Variants in ATF7IP2 observed in about 807,000 individuals in gnomAD.
ATF7IP2 encodes activating transcription factor 7 interacting protein 2.
ATF7IP2 carries 42 observed loss-of-function variants against 64.2 expected under a neutral mutation model. The ratio of observed to expected loss-of-function variants is 0.65; its 90% confidence interval spans 0.51 to 0.85. The LOEUF (loss-of-function observed/expected upper bound fraction) is 0.85. ATF7IP2 is among the 40% of genes least tolerant of loss of function. ATF7IP2 has a pLI of 0.00. For synonymous variants in ATF7IP2, 308 were observed against 272.8 expected, an observed-to-expected ratio of 1.13 and a Z score of -1.27; for missense variants, 933 against 784.2, an observed-to-expected ratio of 1.19 and a Z score of -2.27.
chr16:10,472,979 C>T (rs997285206), intron 10 of ATF7IP2, among the ~76,000 whole-genome samples: 2 of 151,584 alleles, frequency 1.3e-5, no homozygotes, highest in Non-Finnish European at 2.9e-5. Flanking sequence ...ATTTCATTTT[C>T]TACTATGTTA....
chr16:10,458,180 G>A (rs2049247860), intron 9 of ATF7IP2, among the ~76,000 whole-genome samples: 1 of 152,184 alleles, frequency 6.6e-6, no homozygotes, highest in Admixed American at 6.5e-5. Flanking sequence ...TTTGTTTTGG[G>A]GGATTTCACA....
In ATF7IP2 at chr16:10,483,297, C is replaced by T. The variant is rs1159374950; in HGVS notation, c.*1048C>T. The T allele has an allele frequency of 2.0e-5, 3 of 152,148 alleles. No homozygotes were observed. The highest frequency in any genetic ancestry group is 7.2e-5 in the African/African-American group (3 of 41,416). 9.4% of individuals were successfully genotyped at this position (152,148 alleles called of 1,614,324 possible). On this transcript the variant is annotated 3_prime_UTR_variant, in exon 14 of 14. Transcript: ENST00000562102. Reference sequence around the variant, plus strand: ...ATTTGAGGCTTTAGTTTGCTGATTTCCTAAATGCTACCCTTTGATCATTTC... The same window carrying T: ...ATTTGAGGCTTTAGTTTGCTGATTTTCTAAATGCTACCCTTTGATCATTTC...
intron 9 of ATF7IP2, among the ~76,000 whole-genome samples, chr16:10,469,248 G>C (rs1212697367): frequency 6.6e-6 from 1 of 152,022 alleles, no homozygotes; most frequent in Admixed American, 6.6e-5. Flanking sequence ...AAGAGGTATA[G>C]AAAATGTTCA....
At chr16:10,456,674 A>G (rs1017401903) in intron 8 of ATF7IP2, among the ~76,000 whole-genome samples, 16 of 152,158 alleles carry the variant, frequency 1.1e-4, no homozygotes, top group Admixed American at 5.9e-4. Flanking sequence ...GGTCACTACC[A>G]CTGCAATGGA....
intron 9 of ATF7IP2, among the ~76,000 whole-genome samples, chr16:10,465,737 C>T (rs997444181): frequency 6.1e-5 from 9 of 148,566 alleles, no homozygotes; most frequent in African/African-American, 2.2e-4. Context: ...AGACTCCGGC[C>T]CAAAAACAAA....
chr16:10,457,746 G>C, intron 9 of ATF7IP2: 1 of 358,910 alleles, frequency 2.8e-6, no homozygotes, highest in Non-Finnish European at 4.9e-6. Context: ...TCACTTTGTT[G>C]TCCAGGCTGG....
intron 1 of ATF7IP2, among the ~76,000 whole-genome samples, chr16:10,394,187 A>G (rs992215820): frequency 5.9e-5 from 9 of 152,220 alleles, no homozygotes. Context: ...GGCTGAAAGT[A>G]AAAGGATAGA....
At chr16:10,414,237 T>A (rs1170196936) in intron 1 of ATF7IP2, among the ~76,000 whole-genome samples, 2 of 152,174 alleles carry the variant, frequency 1.3e-5, no homozygotes, top group African/African-American at 4.8e-5. Flanking sequence ...GGTTTGGTTG[T>A]TTAACATAAT....
chr16:10,399,887 T>G (rs1159537470), intron 1 of ATF7IP2, among the ~76,000 whole-genome samples: 1 of 152,212 alleles, frequency 6.6e-6, no homozygotes, highest in Non-Finnish European at 1.5e-5. Context: ...TTTTCTTGTA[T>G]AGGAGGTCTT....
intron 12 of ATF7IP2, among the ~76,000 whole-genome samples, chr16:10,476,507 T>C (rs1043216315): frequency 6.6e-6 from 1 of 152,158 alleles, no homozygotes; most frequent in African/African-American, 2.4e-5. Context: ...TGTTTTTTTT[T>C]AAACTTTATG....
Position 10,473,987 on chromosome 16 carries a change from C to G in ATF7IP2, c.1547C>G (p.Thr516Arg). Reference sequence around the variant, plus strand: ...AAAGAAGGCCTATCCAACTGCAATACAGGTAAAAGGATTTTTTAGATCTTT... The same window carrying G: ...AAAGAAGGCCTATCCAACTGCAATAGAGGTAAAAGGATTTTTTAGATCTTT... ...LTKEGLSNCN[T>R]ESPVSPLESH... Residue 516 changes from threonine to arginine, a missense_variant and splice_region_variant, in exon 12 of 14, where the codon ACA (threonine) becomes AGA (arginine). Physicochemically the swap from Thr to Arg is moderately conservative, Grantham distance 71. Coordinates refer to ENST00000562102, the MANE Select transcript of ATF7IP2 (RefSeq NM_001393719.1). 1.3e-6 allele frequency: 2 copies of G among 1,576,864 alleles called. No individual in the cohort carries two copies. The highest frequency in any genetic ancestry group is 1.7e-6 in the Non-Finnish European group (2 of 1,155,286).
At chr16:10,454,868 A>G (rs2049115972) in intron 8 of ATF7IP2, among the ~76,000 whole-genome samples, 1 of 152,204 alleles carries the variant, frequency 6.6e-6, no homozygotes, top group African/African-American at 2.4e-5. Flanking sequence ...TAATTTCAAA[A>G]TATTTGTGAC....
chr16:10,415,317 C>G (rs750203069), intron 2 of ATF7IP2, among the ~76,000 whole-genome samples: 1 of 152,136 alleles, frequency 6.6e-6, no homozygotes, highest in Non-Finnish European at 1.5e-5. Context: ...GGAAACAAAT[C>G]CATATACCTA....
chr16:10,440,184 ATATATG>A (rs201822263), intron 7 of ATF7IP2, among the ~76,000 whole-genome samples, 174 bp from the exon 8 acceptor site: 3,310 of 152,184 alleles, frequency 0.022, 51 homozygotes, highest in Middle Eastern at 0.044. Context: ...TTTTATTTAT[ATATATG>A]TATATGTTAT....
At chr16:10,435,638 T>A (rs1410702204) in intron 6 of ATF7IP2, among the ~76,000 whole-genome samples, 1 of 152,172 alleles carries the variant, frequency 6.6e-6, no homozygotes. Context: ...ATGATCAAAT[T>A]TAAGGACCTG....
chr16:10,417,733 A>T (rs2047907910), intron 2 of ATF7IP2, among the ~76,000 whole-genome samples: 1 of 152,226 alleles, frequency 6.6e-6, no homozygotes. Flanking sequence ...CTTCTCCAAG[A>T]ATAACAAAGT....
chr16:10,478,921 C>T (rs1413992818), intron 12 of ATF7IP2, among the ~76,000 whole-genome samples: 6 of 152,160 alleles, frequency 3.9e-5, no homozygotes, highest in African/African-American at 7.2e-5. Context: ...CACTGGCCAT[C>T]AGAGGAATGC....
chr16:10,466,129 G>A (rs1390802817), intron 9 of ATF7IP2, among the ~76,000 whole-genome samples: 1 of 152,116 alleles, frequency 6.6e-6, no homozygotes, highest in Non-Finnish European at 1.5e-5. Context: ...GCTCTTTTAT[G>A]TCTTCTTTCA....
intron 2 of ATF7IP2, among the ~76,000 whole-genome samples, chr16:10,415,799 A>G (rs533917210): frequency 4.6e-4 from 70 of 152,388 alleles, no homozygotes; most frequent in African/African-American, 1.6e-3. Flanking sequence ...GTAATACCTG[A>G]ATAGACATTT....
Sources: allele counts gnomAD v4.1 joint callset (sites outside exome capture counted in the v4.1 genomes callset), GRCh38; gene constraint gnomAD v4.1.1; transcripts MANE v1.5; gene names NCBI Gene and HGNC (gene_info 2026-07-23, HGNC 2026-07-21).